Variants in PRELID2 observed in about 807,000 individuals in gnomAD.
PRELID2 encodes the protein PRELI domain-containing protein 2.
Under a neutral mutation model 28.4 loss-of-function variants are expected in PRELID2, and 25 were observed. The observed-to-expected ratio is 0.88, with a 90% CI of 0.64 to 1.23. The LOEUF is 1.23. PRELID2 is among the 50% of genes most tolerant of loss of function. PRELID2 has a pLI of 0.00. For synonymous variants in PRELID2, 76 were observed against 71.6 expected, an observed-to-expected ratio of 1.06 and a Z score of -0.31; for missense variants, 201 against 214.4, an observed-to-expected ratio of 0.94 and a Z score of 0.39.
the PRELID2 span, among the ~76,000 whole-genome samples, chr5:145,243,192 A>G: frequency 6.6e-5 from 10 of 152,196 alleles, no homozygotes; most frequent in East Asian, 9.7e-4. Context: ...TTTATGCTCA[A>G]TTGAACAAAC....
intron 1 of PRELID2, among the ~76,000 whole-genome samples, chr5:145,683,978 T>C (rs2149690915): frequency 6.6e-6 from 1 of 152,126 alleles, no homozygotes; most frequent in South Asian, 2.1e-4. Context: ...CGACACAAAG[T>C]TTTCTAGAGG....
intron 1 of PRELID2, among the ~76,000 whole-genome samples, chr5:145,657,581 A>T (rs1284137226): frequency 6.6e-6 from 1 of 152,186 alleles, no homozygotes; most frequent in African/African-American, 2.4e-5. Context: ...GCTACTCGGA[A>T]GGTTGAGGCA....
At chr5:145,258,613 G>C in the PRELID2 span, among the ~76,000 whole-genome samples, 2 of 152,164 alleles carry the variant, frequency 1.3e-5, no homozygotes, top group African/African-American at 2.4e-5. Context: ...AAGCATTCAA[G>C]ATGTCACCTG....
At chr5:145,596,879 C>G (rs1753314473) in intron 1 of PRELID2, among the ~76,000 whole-genome samples, 1 of 152,122 alleles carries the variant, frequency 6.6e-6, no homozygotes, top group South Asian at 2.1e-4. Context: ...GCTAAAGAAA[C>G]TGCTCACTAA....
the PRELID2 span, among the ~76,000 whole-genome samples, chr5:145,460,036 C>G: frequency 6.6e-6 from 1 of 152,114 alleles, no homozygotes; most frequent in African/African-American, 2.4e-5. Context: ...GTCTTGAACT[C>G]CTGACCTCGT....
At chr5:145,790,409 T>C (rs566682554) in intron 5 of PRELID2, among the ~76,000 whole-genome samples, 69 of 152,172 alleles carry the variant, frequency 4.5e-4, no homozygotes, top group African/African-American at 1.5e-3. Context: ...AAATACCTCA[T>C]ATGTAAAATC....
At chr5:145,331,421 C>T in the PRELID2 span, among the ~76,000 whole-genome samples, 6 of 152,080 alleles carry the variant, frequency 3.9e-5, no homozygotes, top group African/African-American at 1.4e-4. Context: ...CTTTGTAGGC[C>T]TCTAAGAACT....
intron 1 of PRELID2, among the ~76,000 whole-genome samples, chr5:145,826,855 G>A (rs1025820522): frequency 8.2e-5 from 12 of 146,944 alleles, no homozygotes; most frequent in Admixed American, 1.3e-4. Flanking sequence ...TATTTGCCGA[G>A]GGAAAAAAAA....
chr5:145,303,914 T>C, the PRELID2 span, among the ~76,000 whole-genome samples: 1 of 152,138 alleles, frequency 6.6e-6, no homozygotes, highest in Non-Finnish European at 1.5e-5. Flanking sequence ...GATGCCCCTA[T>C]TGAAGCTTTG....
At chr5:145,644,446 A>ATTTCTTCTTT (rs1754163050) in intron 1 of PRELID2, among the ~76,000 whole-genome samples, 1 of 148,826 alleles carries the variant, frequency 6.7e-6, no homozygotes, top group Non-Finnish European at 1.5e-5. Flanking sequence ...TATTTTGTTG[A>ATTTCTTCTTT]ACTTTTCAAA....
At chr5:145,665,868 C>A (rs17103584) in intron 1 of PRELID2, among the ~76,000 whole-genome samples, 11,514 of 151,680 alleles carry the variant, frequency 0.076, 643 homozygotes, top group Admixed American at 0.19. Flanking sequence ...ACTTTTTGTT[C>A]ATATGACTAT....
chr5:145,548,011 A>T (rs1436148707), intron 1 of PRELID2, among the ~76,000 whole-genome samples: 1 of 152,208 alleles, frequency 6.6e-6, no homozygotes, highest in African/African-American at 2.4e-5. Context: ...CCTAAAAGCC[A>T]TCTGTGTATA....
At chr5:145,296,118 G>A in the PRELID2 span, among the ~76,000 whole-genome samples, 44 of 152,042 alleles carry the variant, frequency 2.9e-4, no homozygotes, top group South Asian at 1.0e-3. Context: ...TTGACTTCTT[G>A]TTACCTCCAA....
chr5:145,707,723 A>G (rs375440886), intron 1 of PRELID2, among the ~76,000 whole-genome samples: 3 of 152,180 alleles, frequency 2.0e-5, no homozygotes, highest in Non-Finnish European at 4.4e-5. Flanking sequence ...AGACAGACCA[A>G]AAAAATTACT....
Position 145,528,863 on chromosome 5 carries a change from G to A in PRELID2, n.71-55548C>T, listed in dbSNP as rs554864109. Among the ~76,000 whole-genome samples, 13 of 152,120 alleles carry A rather than the reference G, an allele frequency of 8.5e-5. No individual in the cohort carries two copies. The East Asian group carries it at 2.3e-3, about 27-fold the overall frequency. On this transcript the variant is annotated intron_variant and non_coding_transcript_variant, in intron 1 of 2. Coordinates refer to the PRELID2 transcript ENST00000510259. ...ATCAATGTTTATTCAACTTCCCACT[G>A]TGCTGATTCTCAAGGAAGCAAATGA...
intron 1 of PRELID2, among the ~76,000 whole-genome samples, chr5:145,673,410 G>A (rs575085125): frequency 7.2e-5 from 11 of 151,888 alleles, no homozygotes; most frequent in Non-Finnish European, 1.6e-4. Flanking sequence ...TTTGTATAAA[G>A]GTATAATAAG....
intron 1 of PRELID2, among the ~76,000 whole-genome samples, chr5:145,507,109 A>G (rs1229952152): frequency 6.6e-6 from 1 of 152,158 alleles, no homozygotes; most frequent in Non-Finnish European, 1.5e-5. Context: ...AGATAAATAC[A>G]TTCTAGAAAC....
chr5:145,240,317 C>G, the PRELID2 span, among the ~76,000 whole-genome samples: 1 of 151,664 alleles, frequency 6.6e-6, no homozygotes, highest in Admixed American at 6.6e-5. Flanking sequence ...TTTTTAAAAC[C>G]AAAGATTTCA....
intron 1 of PRELID2, among the ~76,000 whole-genome samples, chr5:145,519,017 T>C (rs1341803188): frequency 6.6e-6 from 1 of 152,242 alleles, no homozygotes; most frequent in Admixed American, 6.5e-5. Flanking sequence ...ATGTTGCCAC[T>C]GTCTTTAACT....
Sources: gnomAD v4.1 joint callset for allele counts (sites outside exome capture counted in the v4.1 genomes callset) on GRCh38, gnomAD v4.1.1 for gene constraint, MANE v1.5 for transcripts, NCBI Gene and HGNC (gene_info 2026-07-23, HGNC 2026-07-21) for gene names.